Variants in ROBO2 observed in about 807,000 individuals in gnomAD.
ROBO2 encodes roundabout homolog 2.
In ROBO2, 53 loss-of-function variants were observed where a neutral mutation model predicts 160.8. The observed-to-expected ratio is 0.33, with a 90% confidence interval of 0.26 to 0.41. The LOEUF (loss-of-function observed/expected upper bound fraction) is 0.41. ROBO2 is among the 10% of genes least tolerant of loss of function. The pLI, the probability that ROBO2 is intolerant of heterozygous loss-of-function variation, is 1.00. For synonymous variants in ROBO2, 664 were observed against 611.7 expected, an observed-to-expected ratio of 1.09 and a Z score of -1.26; for missense variants, 1,577 against 1,722.4, an observed-to-expected ratio of 0.92 and a Z score of 1.49.
chr3:76,839,168 A>C (rs553879410), intron 2 of ROBO2, among the ~76,000 whole-genome samples: 1 of 152,156 alleles, frequency 6.6e-6, no homozygotes, highest in Admixed American at 6.5e-5. Flanking sequence ...AAAGAAAAAA[A>C]CTTCAAAGCA....
intron 2 of ROBO2, among the ~76,000 whole-genome samples, chr3:76,933,311 A>T (rs2077474757): frequency 6.6e-6 from 1 of 152,188 alleles, no homozygotes; most frequent in African/African-American, 2.4e-5. Flanking sequence ...CCAGATATAG[A>T]ATTGTGTTCC....
chr3:77,352,763 G>A (rs1052259349), intron 2 of ROBO2, among the ~76,000 whole-genome samples: 1 of 152,168 alleles, frequency 6.6e-6, no homozygotes, highest in Non-Finnish European at 1.5e-5. Flanking sequence ...CAGTGGGAAT[G>A]AAGTCTTTCT....
Position 77,411,084 on chromosome 3 carries a change from A to G in ROBO2, c.389-66330A>G, listed in dbSNP as rs1475519227. On this transcript the variant is annotated intron_variant, in intron 2 of 25. Coordinates refer to ENST00000461745, the Ensembl canonical transcript of ROBO2. ...AGCTTCCCCAAAATGCTGATATTAC[A>G]GGCATGAGCTACCACAAACAGCTTG... Among the ~76,000 whole-genome samples, 13 of 152,120 alleles carry G rather than the reference A, an allele frequency of 8.5e-5. No homozygotes were observed. The East Asian group carries it at 2.5e-3, about 29-fold the overall frequency.
chr3:76,750,743 G>C (rs554864292), intron 2 of ROBO2, among the ~76,000 whole-genome samples: 1 of 152,246 alleles, frequency 6.6e-6, no homozygotes, highest in East Asian at 1.9e-4. Context: ...TACAAGGGAT[G>C]TGAAGGACCT....
chr3:75,999,732 T>C (rs1020656507), intron 2 of ROBO2, among the ~76,000 whole-genome samples: 70 of 152,202 alleles, frequency 4.6e-4, no homozygotes, highest in African/African-American at 1.6e-3. Flanking sequence ...GAAAGGTAAA[T>C]GATCCTCACA....
intron 2 of ROBO2, among the ~76,000 whole-genome samples, chr3:76,314,625 A>T (rs2071853108): frequency 6.6e-6 from 1 of 152,150 alleles, no homozygotes; most frequent in Non-Finnish European, 1.5e-5. Context: ...TGAAGATTTT[A>T]TGATGCTCCA....
At chr3:76,380,421 T>A (rs1451390625) in intron 2 of ROBO2, among the ~76,000 whole-genome samples, 1 of 152,152 alleles carries the variant, frequency 6.6e-6, no homozygotes, top group Non-Finnish European at 1.5e-5. Context: ...AGATATACAC[T>A]TGACCCTCAA....
intron 2 of ROBO2, among the ~76,000 whole-genome samples, chr3:76,370,546 A>G (rs2108475288): frequency 6.6e-6 from 1 of 151,964 alleles, no homozygotes; most frequent in South Asian, 2.1e-4. Context: ...ATCACAAATA[A>G]CCCCATGGCC....
chr3:76,963,142 G>T (rs2079794499), intron 2 of ROBO2, among the ~76,000 whole-genome samples: 2 of 112,550 alleles, frequency 1.8e-5, no homozygotes, highest in Middle Eastern at 4.1e-3. Flanking sequence ...ACAATGTTCT[G>T]GTCCCTTTAA....
At chr3:76,164,423 G>C (rs1166432566) in intron 2 of ROBO2, among the ~76,000 whole-genome samples, 1 of 152,124 alleles carries the variant, frequency 6.6e-6, no homozygotes, top group African/African-American at 2.4e-5. Flanking sequence ...ATCCATTAAA[G>C]GAATCATTAT....
At chr3:76,471,102 A>C (rs2078633362) in intron 2 of ROBO2, among the ~76,000 whole-genome samples, 1 of 152,148 alleles carries the variant, frequency 6.6e-6, no homozygotes, top group Non-Finnish European at 1.5e-5. Context: ...ACAGTCTTCC[A>C]GCTGTTTTCT....
At chr3:77,293,529 T>G (rs1468434601) in intron 2 of ROBO2, among the ~76,000 whole-genome samples, 1 of 139,416 alleles carries the variant, frequency 7.2e-6, no homozygotes, top group Non-Finnish European at 1.5e-5. Flanking sequence ...TTTAAATGGG[T>G]AAGCTGAGGC....
intron 2 of ROBO2, among the ~76,000 whole-genome samples, chr3:77,226,112 T>C (rs2086468237): frequency 6.6e-6 from 1 of 152,056 alleles, no homozygotes; most frequent in Admixed American, 6.6e-5. Flanking sequence ...TCCTTTTTTA[T>C]TTTAGGAATG....
intron 2 of ROBO2, among the ~76,000 whole-genome samples, chr3:77,457,627 C>G (rs1001219364): frequency 1.3e-5 from 2 of 152,038 alleles, no homozygotes; most frequent in Admixed American, 1.3e-4. Context: ...CTACAAATCT[C>G]GACCCTTTTA....
intron 1 of ROBO2, among the ~76,000 whole-genome samples, chr3:77,044,504 CT>C (rs1295200812): frequency 6.6e-6 from 1 of 151,990 alleles, no homozygotes; most frequent in Non-Finnish European, 1.5e-5. Context: ...TCTCTTTCTT[CT>C]TCTCATTCAT....
chr3:77,300,909 TCACCCAGGCTGG>T (rs2062600817), intron 2 of ROBO2, among the ~76,000 whole-genome samples: 1 of 151,824 alleles, frequency 6.6e-6, no homozygotes, highest in Non-Finnish European at 1.5e-5. Flanking sequence ...TCTCACTCTG[TCACCCAGGCTGG>T]AGTGCAGTGG....
At chr3:76,032,484 G>A (rs2066957959) in intron 2 of ROBO2, among the ~76,000 whole-genome samples, 1 of 152,104 alleles carries the variant, frequency 6.6e-6, no homozygotes, top group Non-Finnish European at 1.5e-5. Context: ...GCTTTCTCTT[G>A]TGGGCATTTA....
intron 2 of ROBO2, among the ~76,000 whole-genome samples, chr3:77,228,005 T>G (rs2086693447): frequency 6.6e-6 from 1 of 152,230 alleles, no homozygotes; most frequent in Non-Finnish European, 1.5e-5. Flanking sequence ...CATGCTGAAC[T>G]TAAAGCCAAC....
intron 2 of ROBO2, among the ~76,000 whole-genome samples, chr3:76,150,859 T>C (rs1279935692): frequency 6.6e-6 from 1 of 152,174 alleles, no homozygotes. Context: ...TGGGGGCTTC[T>C]TCCTACATGC....
Sources: allele counts gnomAD v4.1 joint callset (sites outside exome capture counted in the v4.1 genomes callset), GRCh38; gene constraint gnomAD v4.1.1; transcripts MANE v1.5; gene names NCBI Gene and HGNC (gene_info 2026-07-23, HGNC 2026-07-21).